The following TBCK variants were observed in gnomAD, a reference collection of about 807,000 sequenced individuals.
TBCK encodes the protein TBC1 domain containing kinase.
TBCK carries 99 observed loss-of-function variants against 113.4 expected under a neutral mutation model. The observed-to-expected ratio is 0.87, with a 90% CI of 0.74 to 1.03. The LOEUF (loss-of-function observed/expected upper bound fraction) is 1.03. Ranked by LOEUF, TBCK falls within the 50% of genes least tolerant of loss-of-function variation. The pLI, the probability that TBCK is intolerant of heterozygous loss-of-function variation, is 0.00. For synonymous variants in TBCK, 369 were observed against 370.8 expected (o/e 1.00, Z 0.05); for missense variants, 1,045 against 1,061.3 (o/e 0.98, Z 0.21).
At chr4:106,315,138 G>A (rs1561013824) in intron 1 of TBCK, among the ~76,000 whole-genome samples, 2 of 151,666 alleles carry the variant, frequency 1.3e-5, no homozygotes, top group Non-Finnish European at 2.9e-5. Flanking sequence ...ACTACCGGGG[G>A]AAAAAAAACG....
chr4:106,289,461 C>T (rs982144844), intron 3 of TBCK, among the ~76,000 whole-genome samples: 3 of 152,034 alleles, frequency 2.0e-5, no homozygotes, highest in African/African-American at 7.3e-5. Context: ...AAAAATATAA[C>T]AAATTATATT....
intron 3 of TBCK, among the ~76,000 whole-genome samples, chr4:106,292,087 C>T (rs1441671027): frequency 2.0e-5 from 3 of 152,110 alleles, no homozygotes; most frequent in Admixed American, 6.6e-5. Context: ...CACTTTACAT[C>T]GGTATATGCA....
chr4:106,096,661 C>T (rs1740944437), intron 24 of TBCK, among the ~76,000 whole-genome samples: 1 of 152,122 alleles, frequency 6.6e-6, no homozygotes, highest in African/African-American at 2.4e-5. Flanking sequence ...TATCAGATGA[C>T]CCTGCTACAA....
chr4:106,274,937 G>C (rs1240382875), intron 3 of TBCK, among the ~76,000 whole-genome samples: 1 of 152,134 alleles, frequency 6.6e-6, no homozygotes, highest in African/African-American at 2.4e-5. Flanking sequence ...TTCAAGACAA[G>C]CCTGGGCAAC....
intron 2 of TBCK, among the ~76,000 whole-genome samples, chr4:106,296,825 G>T (rs1766361653): frequency 6.6e-6 from 1 of 151,920 alleles, no homozygotes; most frequent in African/African-American, 2.4e-5. Flanking sequence ...AACTTTAAAA[G>T]AACACTTAAT....
chr4:106,161,142 T>C (rs549595948), intron 23 of TBCK, among the ~76,000 whole-genome samples: 48 of 152,140 alleles, frequency 3.2e-4, no homozygotes, highest in African/African-American at 1.1e-3. Context: ...CACAACATTA[T>C]GAATGTATTT....
At chr4:106,312,892 A>T (rs1171148551) in intron 1 of TBCK, among the ~76,000 whole-genome samples, 5 of 152,310 alleles carry the variant, frequency 3.3e-5, no homozygotes, top group African/African-American at 1.2e-4. Context: ...TAGTATTAAT[A>T]AAAAAATCAG....
Position 106,229,723 on chromosome 4 carries a change from T to C in TBCK, c.1774+640A>G, listed in dbSNP as rs139452364. On this transcript the variant is annotated intron_variant, in intron 19 of 25. Coordinates refer to ENST00000394708, the MANE Select transcript of TBCK (RefSeq NM_001163435.3). ...TTGCTCAGGACAGCTTTGGCTATTCTGGGTCTTTTGTGGGTCCATATAAAT... is the reference window on the plus strand; with the variant it reads ...TTGCTCAGGACAGCTTTGGCTATTCCGGGTCTTTTGTGGGTCCATATAAAT... Among the ~76,000 whole-genome samples, 864 of 151,896 alleles carry C rather than the reference T, an allele frequency of 5.7e-3. 10 individuals are homozygous for C. Among genetic ancestry groups the C allele is most frequent in the African/African-American group, 0.02 (834 of 41,544 alleles).
intron 20 of TBCK, among the ~76,000 whole-genome samples, chr4:106,204,756 T>TG (rs1251094198): frequency 7.4e-6 from 1 of 135,456 alleles, no homozygotes; most frequent in Non-Finnish European, 1.6e-5. Context: ...CAATGATTTT[T>TG]TTTTTTTTTT....
At chr4:106,168,991 T>C (rs963180087) in intron 23 of TBCK, among the ~76,000 whole-genome samples, 1 of 152,058 alleles carries the variant, frequency 6.6e-6, no homozygotes, top group Non-Finnish European at 1.5e-5. Context: ...TGGAGCAATC[T>C]GGATTTTGTA....
At position 106,122,562 on chromosome 4, in the gene TBCK, G is replaced by A. The variant is rs1225322537; in HGVS notation, c.2236-6184C>T. Among the ~76,000 whole-genome samples, 6 of 152,146 alleles carry A rather than the reference G, an allele frequency of 3.9e-5. No individual in the cohort carries two copies. In the East Asian group the frequency reaches 9.6e-4, roughly 24 times the overall value. ...CATCCTGATACCAAAGCCTGGCAGA[G>A]ACACAGCAAAAAAAGCGAATTTTAG... On this transcript the variant is annotated intron_variant, in intron 23 of 25. Coordinates refer to ENST00000394708, the MANE Select transcript of TBCK (RefSeq NM_001163435.3).
At chr4:106,283,406 C>T (rs879731347) in intron 3 of TBCK, among the ~76,000 whole-genome samples, 3 of 151,912 alleles carry the variant, frequency 2.0e-5, no homozygotes, top group Non-Finnish European at 2.9e-5. Context: ...ATAATATAGG[C>T]ATTTGGAGGA....
chr4:106,171,056 T>G (rs1446324611), intron 23 of TBCK, 39 bp downstream of exon 23: 1 of 1,504,630 alleles, frequency 6.6e-7, no homozygotes, highest in Non-Finnish European at 8.9e-7. Flanking sequence ...AACATCCATC[T>G]CCTTTTAGAG....
chr4:106,122,425 C>T (rs1205038078), intron 23 of TBCK, among the ~76,000 whole-genome samples: 4 of 152,156 alleles, frequency 2.6e-5, no homozygotes, highest in Non-Finnish European at 5.9e-5. Context: ...GATGGATTCA[C>T]AGTTGAATTC....
chr4:106,270,688 A>C (rs1763396432), intron 3 of TBCK, among the ~76,000 whole-genome samples: 1 of 152,194 alleles, frequency 6.6e-6, no homozygotes, highest in Non-Finnish European at 1.5e-5. Flanking sequence ...TTAGATGACT[A>C]ATTTATCACC....
intron 2 of TBCK, among the ~76,000 whole-genome samples, chr4:106,297,973 G>A (rs1330854586): frequency 6.6e-6 from 1 of 152,144 alleles, no homozygotes; most frequent in Non-Finnish European, 1.5e-5. Context: ...AGCAATAGCT[G>A]ATTGTTAGCT....
chr4:106,076,372 T>C (rs755030545), intron 25 of TBCK, among the ~76,000 whole-genome samples: 5 of 152,220 alleles, frequency 3.3e-5, no homozygotes, highest in Non-Finnish European at 5.9e-5. Flanking sequence ...TGGAATGACA[T>C]AGCAACATAA....
chr4:106,276,143 G>C (rs1460140970), intron 3 of TBCK, among the ~76,000 whole-genome samples: 1 of 151,956 alleles, frequency 6.6e-6, no homozygotes, highest in Non-Finnish European at 1.5e-5. Flanking sequence ...TTTCAATAAT[G>C]GCACCAAAGG....
intron 24 of TBCK, among the ~76,000 whole-genome samples, chr4:106,108,542 T>C (rs1206963031): frequency 1.3e-5 from 2 of 152,218 alleles, no homozygotes; most frequent in Non-Finnish European, 1.5e-5. Context: ...GAAAAGACTT[T>C]TGATAAAATT....
Sources: gnomAD v4.1 joint callset for allele counts (sites outside exome capture counted in the v4.1 genomes callset) on GRCh38, gnomAD v4.1.1 for gene constraint, MANE v1.5 for transcripts, NCBI Gene and HGNC (gene_info 2026-07-23, HGNC 2026-07-21) for gene names.